Variants in CALN1 observed in about 807,000 individuals in gnomAD.
CALN1 encodes calcium-binding protein 8.
In CALN1, 17 loss-of-function variants were observed where a neutral mutation model predicts 30.6. The ratio of observed to expected loss-of-function variants is 0.56; its 90% CI spans 0.38 to 0.83. CALN1 has a LOEUF of 0.83. CALN1 is among the 40% of genes least tolerant of loss of function. CALN1 has a pLI of 0.00. For missense variants in CALN1, 291 were observed against 354.9 expected (o/e 0.82, Z 1.45); for synonymous variants, 156 against 131.4 (o/e 1.19, Z -1.28).
At chr7:72,485,487 TA>T in the CALN1 span, among the ~76,000 whole-genome samples, 6 of 152,350 alleles carry the variant, frequency 3.9e-5, no homozygotes, top group East Asian at 1.2e-3. Context: ...CATTTTAAAG[TA>T]AGGAATTGGA....
At chr7:72,331,356 G>C (rs2129558092) in intron 2 of CALN1, among the ~76,000 whole-genome samples, 2 of 151,972 alleles carry the variant, frequency 1.3e-5, no homozygotes, top group South Asian at 4.2e-4. Flanking sequence ...TCAAAAAAAA[G>C]AAAGAAAAAA....
At chr7:72,153,745 AGGTCTGTATGGTGCCCT>A (rs1346274871) in intron 3 of CALN1, among the ~76,000 whole-genome samples, 21 of 152,098 alleles carry the variant, frequency 1.4e-4, no homozygotes, top group Non-Finnish European at 2.9e-4. Flanking sequence ...GAGTAAGGGG[AGGTCTGTATGGTGCCCT>A]GGCCTTTCAT....
chr7:72,462,154 TTATGTATGTATG>T, the CALN1 span, among the ~76,000 whole-genome samples: 3 of 151,490 alleles, frequency 2.0e-5, no homozygotes, highest in South Asian at 4.2e-4. Flanking sequence ...TTTATTTAAT[TTATGTATGTATG>T]TATGTATGTA....
intron 3 of CALN1, among the ~76,000 whole-genome samples, chr7:72,238,580 G>A (rs1444478842): frequency 2.1e-5 from 3 of 145,364 alleles, no homozygotes; most frequent in Non-Finnish European, 4.5e-5. Flanking sequence ...TGTCATGGGA[G>A]GGACCCAGTG....
At chr7:72,444,516 A>G (rs374663091) in intron 1 of CALN1, among the ~76,000 whole-genome samples, 12 of 152,194 alleles carry the variant, frequency 7.9e-5, no homozygotes, top group East Asian at 7.7e-4. Context: ...TATTCATTCA[A>G]TAAACTTTTA....
At chr7:71,899,696 T>C (rs112397494) in intron 5 of CALN1, among the ~76,000 whole-genome samples, 23 of 152,174 alleles carry the variant, frequency 1.5e-4, no homozygotes, top group Middle Eastern at 3.4e-3. Context: ...CAGGAAAGAA[T>C]AATGTGAGAG....
At chr7:72,478,334 T>G in the CALN1 span, among the ~76,000 whole-genome samples, 1 of 147,426 alleles carries the variant, frequency 6.8e-6, no homozygotes, top group Non-Finnish European at 1.5e-5. Flanking sequence ...TATTATATAT[T>G]TATATAATAT....
At chr7:72,501,925 A>AAAAT in the CALN1 span, among the ~76,000 whole-genome samples, 5 of 87,884 alleles carry the variant, frequency 5.7e-5, 1 homozygote, top group South Asian at 1.7e-3. Context: ...AAAAAAAAAA[A>AAAAT]AAAATATATA....
chr7:71,883,176 C>T (rs1792689126), intron 5 of CALN1, among the ~76,000 whole-genome samples: 1 of 152,080 alleles, frequency 6.6e-6, no homozygotes, highest in Non-Finnish European at 1.5e-5. Context: ...CACACATGCA[C>T]ACACACACAT....
chr7:72,258,663 T>C (rs553330470), intron 3 of CALN1, among the ~76,000 whole-genome samples: 1 of 152,210 alleles, frequency 6.6e-6, no homozygotes, highest in East Asian at 1.9e-4. Context: ...CTCACGCCTG[T>C]AATCTCAGCA....
At chr7:71,996,824 CAATT>C (rs1799276693) in intron 5 of CALN1, among the ~76,000 whole-genome samples, 1 of 151,766 alleles carries the variant, frequency 6.6e-6, no homozygotes, top group South Asian at 2.1e-4. Flanking sequence ...TTTCAACAAT[CAATT>C]AAAAAGTCTA....
chr7:72,459,975 T>C, the CALN1 span, among the ~76,000 whole-genome samples: 1 of 152,156 alleles, frequency 6.6e-6, no homozygotes, highest in South Asian at 2.1e-4. Context: ...GCAGGCTGTA[T>C]AAGAAGCATG....
At chr7:71,916,020 C>A (rs1794673731) in intron 5 of CALN1, among the ~76,000 whole-genome samples, 1 of 152,144 alleles carries the variant, frequency 6.6e-6, no homozygotes, top group African/African-American at 2.4e-5. Context: ...TCCTCCCTGT[C>A]CTGTCCCTCC....
intron 1 of CALN1, among the ~76,000 whole-genome samples, chr7:72,411,683 T>C (rs1388556427): frequency 1.3e-5 from 2 of 152,202 alleles, no homozygotes; most frequent in African/African-American, 4.8e-5. Flanking sequence ...TTCTCAATGA[T>C]GCCAAATGAC....
intron 5 of CALN1, among the ~76,000 whole-genome samples, chr7:71,856,332 A>T (rs993143812): frequency 4.6e-5 from 7 of 151,970 alleles, no homozygotes; most frequent in African/African-American, 1.7e-4. Context: ...TCTGTGGCCC[A>T]GGTTGGAGTG....
In CALN1 at chr7:72,046,155, A is replaced by G. The variant is rs2129534815; in HGVS notation, c.389-22386T>C. On this transcript the variant is annotated intron_variant, in intron 4 of 6. Coordinates refer to ENST00000395275, the MANE Select transcript of CALN1 (RefSeq NM_031468.4). ...CAGCAAAACCCTGTCTCTATAAGAA[A>G]TACAAAAATAAGCTGGGCATGGGGG... 1.3e-5 allele frequency among the ~76,000 whole-genome samples: 2 copies of G among 152,122 alleles called. 1 individual carries two copies. Among genetic ancestry groups the G allele is most frequent in the South Asian group, 4.2e-4 (2 of 4,814 alleles).
At chr7:71,907,397 C>G (rs1408064218) in intron 5 of CALN1, among the ~76,000 whole-genome samples, 1 of 152,102 alleles carries the variant, frequency 6.6e-6, no homozygotes, top group Non-Finnish European at 1.5e-5. Context: ...ATGTGCACAG[C>G]CGCATTATTT....
At chr7:72,088,862 T>A (rs1205740512) in intron 4 of CALN1, among the ~76,000 whole-genome samples, 1 of 152,082 alleles carries the variant, frequency 6.6e-6, no homozygotes, top group African/African-American at 2.4e-5. Flanking sequence ...TATTCTCAGA[T>A]CTGTATGAAT....
chr7:72,443,680 C>T (rs76344485), intron 1 of CALN1, among the ~76,000 whole-genome samples: 1,851 of 151,972 alleles, frequency 0.012, 39 homozygotes, highest in African/African-American at 0.043. Context: ...CCACTAGACT[C>T]ATGCCTCATG....
Sources: gnomAD v4.1 joint callset for allele counts (sites outside exome capture counted in the v4.1 genomes callset) on GRCh38, gnomAD v4.1.1 for gene constraint, MANE v1.5 for transcripts, NCBI Gene and HGNC (gene_info 2026-07-23, HGNC 2026-07-21) for gene names.